The following NDUFA10 variants were observed in gnomAD, a reference collection of about 807,000 sequenced individuals.
NDUFA10 encodes NADH:ubiquinone oxidoreductase subunit A10, also known as NADH dehydrogenase [ubiquinone] 1 alpha subcomplex subunit 10, mitochondrial.
In NDUFA10, 40 loss-of-function variants were observed where a neutral mutation model predicts 47.8. The observed-to-expected ratio is 0.84, with a 90% confidence interval of 0.65 to 1.09. The LOEUF (loss-of-function observed/expected upper bound fraction) is 1.09, where lower values mean the gene tolerates loss of function less well. Among genes scored for constraint, NDUFA10 ranks in the 50% least tolerant of loss-of-function variants. The pLI, the probability that NDUFA10 is intolerant of heterozygous loss-of-function variation, is 0.00. For missense variants in NDUFA10, 413 were observed against 451.1 expected, an observed-to-expected ratio of 0.92 and a Z score of 0.76; for synonymous variants, 183 against 172.2, an observed-to-expected ratio of 1.06 and a Z score of -0.49.
intron 9 of NDUFA10, among the ~76,000 whole-genome samples, chr2:239,985,752 A>G (rs1178651219): frequency 6.6e-6 from 1 of 152,070 alleles, no homozygotes; most frequent in Non-Finnish European, 1.5e-5. Flanking sequence ...TCTACTAAAA[A>G]TACAAAAAAT....
Position 239,960,001 on chromosome 2 carries a change from G to T in NDUFA10, c.*1117C>A. On this transcript the variant is annotated 3_prime_UTR_variant, in exon 10 of 10. Coordinates refer to ENST00000252711, the MANE Select transcript of NDUFA10 (RefSeq NM_004544.4). The stretch of plus-strand genomic sequence containing the variant: ...GAACTACTGCCCACAGGCGGCTGTG[G>T]AGTGCCTGAACTATGGCCAGTGCAA... 4 of 985,096 alleles carry T rather than the reference G, an allele frequency of 4.1e-6. No homozygotes were observed. Among genetic ancestry groups the T allele is most frequent in the Non-Finnish European group, 4.8e-6 (4 of 829,592 alleles). 61.0% of individuals were successfully genotyped at this position (985,096 alleles called of 1,614,324 possible). A position where few individuals can be genotyped will look rare whatever the true frequency, so the allele number is the denominator to read the frequency against.
At chr2:239,905,328 T>C (rs1693630682) in intron 4 of NDUFA10, among the ~76,000 whole-genome samples, 1 of 152,116 alleles carries the variant, frequency 6.6e-6, no homozygotes, top group African/African-American at 2.4e-5. Flanking sequence ...TTCCAGTGGG[T>C]GTTCTTGGTC....
intron 9 of NDUFA10, among the ~76,000 whole-genome samples, chr2:239,980,229 TAA>T (rs1695714901): frequency 6.6e-6 from 1 of 152,200 alleles, no homozygotes; most frequent in Admixed American, 6.5e-5. Flanking sequence ...CCTGGCACGA[TAA>T]AGATCTAATC....
intron 9 of NDUFA10, among the ~76,000 whole-genome samples, chr2:239,965,660 T>C (rs1695029995): frequency 6.6e-6 from 1 of 152,192 alleles, no homozygotes; most frequent in African/African-American, 2.4e-5. Flanking sequence ...TGCGGTGAAC[T>C]ATCTCAGGTG....
At chr2:239,993,288 T>C (rs942120587) in intron 8 of NDUFA10, among the ~76,000 whole-genome samples, 6 of 152,194 alleles carry the variant, frequency 3.9e-5, no homozygotes, top group Non-Finnish European at 5.9e-5. Context: ...CTCCGTAAGT[T>C]TGTTAGATGT....
At chr2:239,952,303 G>C (rs1391502778) in intron 4 of NDUFA10, among the ~76,000 whole-genome samples, 1 of 151,554 alleles carries the variant, frequency 6.6e-6, no homozygotes, top group African/African-American at 2.4e-5. Context: ...GAGTGGGGAG[G>C]GGGGCCCAGG....
At chr2:239,893,155 C>G (rs948310784) in intron 5 of NDUFA10, among the ~76,000 whole-genome samples, 1 of 152,196 alleles carries the variant, frequency 6.6e-6, no homozygotes, top group African/African-American at 2.4e-5. Flanking sequence ...ACCAGGCAAA[C>G]CCAAAAGGAA....
downstream of NDUFA10, among the ~76,000 whole-genome samples, chr2:239,956,155 C>A (rs1379384783): frequency 6.6e-6 from 1 of 152,224 alleles, no homozygotes; most frequent in African/African-American, 2.4e-5. Context: ...CCCACGGGTG[C>A]AACCCATCTG....
At chr2:239,901,993 C>T (rs572831305) in intron 4 of NDUFA10, among the ~76,000 whole-genome samples, 5 of 152,096 alleles carry the variant, frequency 3.3e-5, no homozygotes, top group Admixed American at 1.3e-4. Flanking sequence ...TGTGGATGAG[C>T]GGAGAAAGTG....
downstream of NDUFA10, among the ~76,000 whole-genome samples, chr2:239,952,950 G>A (rs997876886): frequency 1.3e-5 from 2 of 152,244 alleles, no homozygotes; most frequent in African/African-American, 4.8e-5. Context: ...AGCCACGTGG[G>A]AGGTAAGAAG....
Position 240,021,236 on chromosome 2 carries a change from G to T in NDUFA10, c.421C>A (p.Leu141Met). ...TGCTCCAAGGCATCTGAGTACTGCA[G>T]CAGGCGACTGCTGTACAACCAGGAC... ...LQSWLYSSRL[L>M]QYSDALEHLL... Residue 141 changes from leucine (L) to methionine (M), a missense_variant, in exon 3 of 10, where the codon CTG becomes ATG. Physicochemically the swap from Leu to Met is conservative, Grantham distance 15. Coordinates refer to ENST00000252711, the MANE Select transcript of NDUFA10 (RefSeq NM_004544.4). 1 of 1,614,230 alleles carries T rather than the reference G, an allele frequency of 6.2e-7. No individual in the cohort carries two copies. Among genetic ancestry groups the T allele is most frequent in the Non-Finnish European group, 8.5e-7 (1 of 1,180,042 alleles).
intron 8 of NDUFA10, among the ~76,000 whole-genome samples, chr2:239,993,925 G>A (rs985169879): frequency 6.6e-6 from 1 of 152,078 alleles, no homozygotes; most frequent in Non-Finnish European, 1.5e-5. Context: ...CCAGGGCACA[G>A]GACCACACAG....
intron 9 of NDUFA10, among the ~76,000 whole-genome samples, chr2:239,962,265 A>G (rs1212948220): frequency 6.6e-6 from 1 of 151,984 alleles, no homozygotes; most frequent in Non-Finnish European, 1.5e-5. Context: ...GCCCTTAAGA[A>G]CAGGTACTAA....
intron 4 of NDUFA10, among the ~76,000 whole-genome samples, chr2:239,916,373 G>GAT (rs1010607755): frequency 1.3e-5 from 2 of 150,956 alleles, no homozygotes; most frequent in African/African-American, 4.9e-5. Flanking sequence ...CAGACATGCA[G>GAT]ATACACACAC....
chr2:239,903,583 T>A (rs1693593226), intron 4 of NDUFA10, among the ~76,000 whole-genome samples: 1 of 152,210 alleles, frequency 6.6e-6, no homozygotes, highest in Admixed American at 6.5e-5. Flanking sequence ...GCTGCCCTGT[T>A]GAAAAGGGGA....
rs894965133 is a variant in NDUFA10 at position 240,007,360 on chromosome 2, C to G, written c.760G>C (p.Glu254Gln). ...TFLPEMSEKCEVLQYSAREAQ... is the reference protein window; with the variant it reads ...TFLPEMSEKCQVLQYSAREAQ... Reference sequence around the variant, plus strand: ...TCCCTTGCAGAATATTGTAAAACCTCACATTTTTCACTGTAAGAAAAAACA... The same window carrying G: ...TCCCTTGCAGAATATTGTAAAACCTGACATTTTTCACTGTAAGAAAAAACA... The change falls in exon 7 of 10, where the codon GAG (glutamate) becomes CAG (glutamine). Residue 254 changes from glutamate to glutamine, a missense_variant. Coordinates refer to ENST00000252711, the MANE Select transcript of NDUFA10 (RefSeq NM_004544.4). 2 of 1,587,742 alleles carry G rather than the reference C, an allele frequency of 1.3e-6. No individual in the cohort carries two copies. The highest frequency in any genetic ancestry group is 2.7e-5 in the African/African-American group (2 of 74,654).
At chr2:239,982,038 AAT>A in intron 9 of NDUFA10, 2 of 1,592,618 alleles carry the variant, frequency 1.3e-6, no homozygotes, top group South Asian at 2.2e-5. Flanking sequence ...CTTCTGCTCT[AAT>A]AGTCACACGT....
intron 4 of NDUFA10, among the ~76,000 whole-genome samples, chr2:239,929,960 G>A (rs1427754446): frequency 7.1e-6 from 1 of 141,422 alleles, no homozygotes; most frequent in Non-Finnish European, 1.5e-5. Context: ...CGCTGCCCCT[G>A]CTTCTCCACC....
chr2:239,935,893 C>G (rs1033996847), intron 4 of NDUFA10, among the ~76,000 whole-genome samples: 2 of 152,230 alleles, frequency 1.3e-5, no homozygotes. Flanking sequence ...ATAAAATACC[C>G]GGTCTTGACC....
Sources: allele counts gnomAD v4.1 joint callset (sites outside exome capture counted in the v4.1 genomes callset), GRCh38; gene constraint gnomAD v4.1.1; transcripts MANE v1.5; gene names NCBI Gene and HGNC (gene_info 2026-07-23, HGNC 2026-07-21).